Variants in CAND2 observed in about 807,000 individuals in gnomAD.
CAND2 encodes cullin associated and neddylation dissociated 2 (putative).
CAND2 carries 62 observed loss-of-function variants against 98.9 expected under a neutral mutation model. The observed-to-expected ratio is 0.63, with a 90% confidence interval of 0.51 to 0.77. The LOEUF is 0.77. Ranked by LOEUF, CAND2 falls within the 30% of genes least tolerant of loss-of-function variation. The probability of loss-of-function intolerance (pLI) is 0.00; values close to 1 mark genes in which losing one functional copy is unlikely to be tolerated. For synonymous variants in CAND2, 770 were observed against 731.9 expected (o/e 1.05, Z -0.84); for missense variants, 1,501 against 1,655.2 (o/e 0.91, Z 1.62).
chr3:12,810,384 A>G, intron 5 of CAND2, 60 bp downstream of exon 5: 4 of 1,302,576 alleles, frequency 3.1e-6, no homozygotes, highest in Non-Finnish European at 3.9e-6. Context: ...GGGTGAGCCA[A>G]TGACTCGGTA....
chr3:12,831,141 C>T (rs1575784173), intron 13 of CAND2, among the ~76,000 whole-genome samples: 2 of 152,288 alleles, frequency 1.3e-5, no homozygotes, highest in South Asian at 2.1e-4. Flanking sequence ...TGCACTCCCA[C>T]CTGGCCACAC....
At chr3:12,797,950 C>G (rs1280234652) in intron 1 of CAND2, among the ~76,000 whole-genome samples, 2 of 152,072 alleles carry the variant, frequency 1.3e-5, no homozygotes, top group Non-Finnish European at 2.9e-5. Flanking sequence ...AGAGCCCCCC[C>G]ACATTAATAG....
In CAND2 at chr3:12,808,209, G is replaced by T. The variant is rs893301315; in HGVS notation, c.368-1G>T. The T allele has an allele frequency of 4.4e-5, 68 of 1,550,854 alleles. No homozygotes were observed. The highest frequency in any genetic ancestry group is 5.7e-5 in the Non-Finnish European group (65 of 1,146,920). ...CTGTGCCCACCTTGTGCCCTGTGCA[G>T]GCTCCGGGCTGGCCACCAACGTGTG... is the stretch of plus-strand genomic sequence containing the variant. On this transcript the variant is annotated splice_acceptor_variant, in intron 3 of 14. Coordinates refer to ENST00000456430, the MANE Select transcript of CAND2 (RefSeq NM_001162499.2). LOFTEE classifies it high-confidence loss of function.
chr3:12,823,883 C>T (rs534723292), intron 11 of CAND2, among the ~76,000 whole-genome samples: 8 of 152,312 alleles, frequency 5.3e-5, no homozygotes, highest in African/African-American at 1.4e-4. Flanking sequence ...GGCGACAGAG[C>T]GAGACTGTCT....
chr3:12,831,824 C>T (rs555181723), intron 14 of CAND2, among the ~76,000 whole-genome samples: 1 of 152,358 alleles, frequency 6.6e-6, no homozygotes, highest in East Asian at 1.9e-4. Context: ...TCAGACCCAC[C>T]TCTGTCTCTC....
At chr3:12,826,621 G>A (rs775400074) in intron 12 of CAND2, among the ~76,000 whole-genome samples, 4 of 151,840 alleles carry the variant, frequency 2.6e-5, no homozygotes, top group Admixed American at 6.6e-5. Context: ...GTAGAGATGC[G>A]GTTTTGCCAT....
At position 12,817,657 on chromosome 3, in the gene CAND2, C is replaced by G; in HGVS notation, c.2725C>G (p.Arg909Gly). The G allele has an allele frequency of 1.1e-5, 18 of 1,612,222 alleles. No homozygotes were observed. Among genetic ancestry groups the G allele is most frequent in the Non-Finnish European group, 1.5e-5 (18 of 1,179,358 alleles). Reference protein sequence around the residue: ...FLLEQIEAEPRRQYLLLHSLR... With the variant: ...FLLEQIEAEPGRQYLLLHSLR... ...GCTGGAGCAGATCGAGGCTGAGCCC[C>G]GACGACAGTACCTGCTGCTGCACTC... is the stretch of plus-strand genomic sequence containing the variant. The change falls in exon 10 of 15, where the codon CGA becomes GGA. Residue 909 changes from arginine to glycine, a missense_variant. By Grantham distance (125) the Arg-to-Gly change is moderately radical. This residue lies in a region of CAND2 where 1,427 missense variants were observed against 1,545.3 expected (regional missense o/e 0.92). Transcript: ENST00000456430.
Position 12,820,122 on chromosome 3 carries a change from T to C in CAND2, c.2981T>C (p.Val994Ala). The change falls in exon 11 of 15, where the codon GTC becomes GCC. Residue 994 changes from valine (V) to alanine (A), a missense_variant. By Grantham distance (64) the Val-to-Ala change is moderately conservative. Transcript: ENST00000456430. The stretch of plus-strand genomic sequence containing the variant: ...ACCCGGAGCACCGTCATCACAGCGG[T>C]CAAGTTCCTTATCTCGGACCAGCCC... ...PHTRSTVITA[V>A]KFLISDQPHP... 2 of 1,614,144 alleles carry C rather than the reference T, an allele frequency of 1.2e-6. No homozygotes were observed. The highest frequency in any genetic ancestry group is 8.5e-7 in the Non-Finnish European group (1 of 1,180,014).
In CAND2 at chr3:12,815,188, C is replaced by A. The variant is rs755379183; in HGVS notation, c.1054C>A (p.Arg352Ser). Reference protein sequence around the residue: ...SDDDDMSWKVRRAAAKCIAAL... With the variant: ...SDDDDMSWKVSRAAAKCIAAL... Reference sequence around the variant, plus strand: ...TGACGATGACATGAGCTGGAAGGTGCGCCGGGCAGCTGCCAAGTGCATCGC... The same window carrying A: ...TGACGATGACATGAGCTGGAAGGTGAGCCGGGCAGCTGCCAAGTGCATCGC... Residue 352 changes from arginine (R) to serine (S), a missense_variant, in exon 8 of 15, where the codon CGC (arginine) becomes AGC (serine). Arg to Ser is a moderately radical substitution (Grantham distance 110, BLOSUM62 -1). Around this residue, in one of 3 missense-constraint regions of CAND2, gnomAD observed 1,427 missense variants for 1,545.3 expected, o/e 0.92. Transcript: ENST00000456430. The surrounding 1 kb of genome is among the most constrained non-coding windows in gnomAD (Gnocchi z 5.7). The A allele has an allele frequency of 6.2e-7, 1 of 1,613,574 alleles. No individual in the cohort carries two copies. Among genetic ancestry groups the A allele is most frequent in the Non-Finnish European group, 8.5e-7 (1 of 1,179,836 alleles).
rs190261022 is a variant in CAND2, at chr3:12,828,390, T to C, written c.3375+786T>C. 4.8e-3 allele frequency among the ~76,000 whole-genome samples: 692 copies of C among 144,602 alleles called. 8 individuals carry two copies. Among genetic ancestry groups the C allele is most frequent in the African/African-American group, 0.017 (630 of 38,140 alleles). 94.9% of individuals were successfully genotyped at this position (144,602 alleles called of 152,430 possible). A position where few individuals can be genotyped will look rare whatever the true frequency, so the allele number is the denominator to read the frequency against. On this transcript the variant is annotated intron_variant, in intron 13 of 14. Transcript: ENST00000456430. ...TCTTGCACTGTCACTCAGGCTGGAGTGCAGTGGCTTGATCTCAGCTGACTG... is the reference window on the plus strand; with the variant it reads ...TCTTGCACTGTCACTCAGGCTGGAGCGCAGTGGCTTGATCTCAGCTGACTG...
At position 12,816,379 on chromosome 3, in the gene CAND2, ATCT is replaced by A. The variant is rs2061901198; in HGVS notation, c.1451_1453del (p.Phe484del). 8 of 1,609,742 alleles carry A rather than the reference ATCT, an allele frequency of 5.0e-6. No homozygotes were observed. The highest frequency in any genetic ancestry group is 1.1e-5 in the South Asian group (1 of 90,340). On this transcript the variant is annotated inframe_deletion, in exon 10 of 15. Transcript: ENST00000456430. ...CCTTTGCATTCACCCTGCAGGCATC[ATCT>A]TCTCGCTGGCCGACCGCTCCAGCTC...
At chr3:12,808,165 C>T (rs1194860926) in intron 3 of CAND2, 45 bp from the exon 4 acceptor site, 2 of 1,546,600 alleles carry the variant, frequency 1.3e-6, no homozygotes, top group South Asian at 1.2e-5. Context: ...GGCTGCCTTT[C>T]CCCCAGGCCA....
At chr3:12,831,612 C>G in intron 14 of CAND2, 40 bp downstream of exon 14, 1 of 1,371,932 alleles carries the variant, frequency 7.3e-7, no homozygotes, top group Non-Finnish European at 1.0e-6. Context: ...CCCTGGAGCA[C>G]CTATGGAGTC....
At chr3:12,803,069 A>G (rs1268501872) in intron 1 of CAND2, among the ~76,000 whole-genome samples, 1 of 146,046 alleles carries the variant, frequency 6.8e-6, no homozygotes, top group Non-Finnish European at 1.5e-5. Flanking sequence ...GGCTCACTGC[A>G]AGCTCCGCCT....
At chr3:12,828,704 GC>G (rs1301110201) in intron 13 of CAND2, among the ~76,000 whole-genome samples, 1 of 152,172 alleles carries the variant, frequency 6.6e-6, no homozygotes, top group Non-Finnish European at 1.5e-5. Flanking sequence ...TTGCGGTGCA[GC>G]CGTCACCACT....
intron 13 of CAND2, among the ~76,000 whole-genome samples, chr3:12,829,023 C>T (rs1298847702): frequency 6.6e-6 from 1 of 152,194 alleles, no homozygotes; most frequent in African/African-American, 2.4e-5. Flanking sequence ...CTAGGTGTTC[C>T]GATATCCTTT....
Position 12,815,496 on chromosome 3 carries a change from G to A in CAND2, c.1299+63G>A. ...GCCTACCCAGCCACTCACTGTTAGT[G>A]TCCCTGGACTTGGAAACTCAGCTGG... On this transcript the variant is annotated intron_variant, in intron 8 of 14. Transcript: ENST00000456430. The surrounding 1 kb of genome is among the most constrained non-coding windows in gnomAD (Gnocchi z 5.7). The A allele has an allele frequency of 6.7e-7, 1 of 1,485,380 alleles. No individual in the cohort carries two copies. The highest frequency in any genetic ancestry group is 9.2e-7 in the Non-Finnish European group (1 of 1,089,544). 92.0% of individuals were successfully genotyped at this position (1,485,380 alleles called of 1,614,324 possible).
chr3:12,833,038 G>A (rs1186206931), intron 14 of CAND2, among the ~76,000 whole-genome samples: 1 of 152,204 alleles, frequency 6.6e-6, no homozygotes, highest in Non-Finnish European at 1.5e-5. Flanking sequence ...GCTCAAAGAT[G>A]TAGTTACCTG....
intron 5 of CAND2, among the ~76,000 whole-genome samples, chr3:12,811,031 C>T (rs2061847717): frequency 6.6e-6 from 1 of 152,082 alleles, no homozygotes; most frequent in Admixed American, 6.5e-5. Flanking sequence ...TCTGACTATA[C>T]CAAGACAGTT....
Sources: gnomAD v4.1 joint callset for allele counts (sites outside exome capture counted in the v4.1 genomes callset) on GRCh38, gnomAD v4.1.1 for gene constraint, gnomAD v4.1.1 regional missense constraint, Gnocchi (gnomAD v3.1) non-coding constraint, MANE v1.5 for transcripts, NCBI Gene and HGNC (gene_info 2026-07-23, HGNC 2026-07-21) for gene names.